The following TYW1 variants were observed in gnomAD, a reference collection of about 807,000 sequenced individuals.
TYW1 encodes the protein tRNA-yW synthesizing protein 1 homolog.
TYW1 carries 46 observed loss-of-function variants against 96.2 expected under a neutral mutation model. That is an observed-to-expected ratio of 0.48 (90% CI 0.38 to 0.61). The LOEUF (loss-of-function observed/expected upper bound fraction) is 0.61. Among genes scored for constraint, TYW1 ranks in the 20% least tolerant of loss-of-function variants. The pLI is 0.00. For missense variants in TYW1, 684 were observed against 909.6 expected, an observed-to-expected ratio of 0.75 and a Z score of 3.19; for synonymous variants, 274 against 323.0, an observed-to-expected ratio of 0.85 and a Z score of 1.63.
chr7:67,059,672 C>T (rs1235548089), intron 9 of TYW1, among the ~76,000 whole-genome samples: 1 of 150,134 alleles, frequency 6.7e-6, no homozygotes, highest in South Asian at 2.1e-4. Context: ...TTTTTCTTAA[C>T]ATTAGTGATT....
chr7:67,136,650 CGTGTGT>C (rs59522817), intron 13 of TYW1, among the ~76,000 whole-genome samples: 18,071 of 143,854 alleles, frequency 0.13, 1,101 homozygotes, highest in Middle Eastern at 0.16. Context: ...TTATACAGTG[CGTGTGT>C]GTGTGTGTGT....
At chr7:67,113,237 ACTCTCATCCATCTTCTGTTCC>A (rs66761527) in intron 12 of TYW1, among the ~76,000 whole-genome samples, 40,817 of 151,022 alleles carry the variant, frequency 0.27, 6,223 homozygotes, top group African/African-American at 0.42. Context: ...GCGTGGTGGG[ACTCTCATCCATCTTCTGTTCC>A]CTCCAGAATG....
chr7:67,133,589 T>C (rs1798156329), intron 13 of TYW1, among the ~76,000 whole-genome samples: 1 of 143,112 alleles, frequency 7.0e-6, no homozygotes, highest in Non-Finnish European at 1.5e-5. Flanking sequence ...TCCCAGGTAC[T>C]TGGCGGCTGA....
At chr7:67,028,147 G>A (rs1436515249) in intron 7 of TYW1, among the ~76,000 whole-genome samples, 2 of 151,198 alleles carry the variant, frequency 1.3e-5, no homozygotes, top group Non-Finnish European at 2.9e-5. Context: ...GCTAAGGCAC[G>A]AGAATCTTTT....
At chr7:67,221,195 A>C (rs1435352721) in intron 15 of TYW1, among the ~76,000 whole-genome samples, 1 of 152,180 alleles carries the variant, frequency 6.6e-6, no homozygotes, top group East Asian at 1.9e-4. Context: ...AAATGTTTAT[A>C]ATAGTTATAT....
chr7:67,226,021 G>A (rs907671036), intron 15 of TYW1, among the ~76,000 whole-genome samples: 15 of 150,770 alleles, frequency 9.9e-5, no homozygotes, highest in Non-Finnish European at 1.9e-4. Context: ...CAACCAGCAA[G>A]AACAAATTTT....
intron 1 of TYW1, among the ~76,000 whole-genome samples, 195 bp downstream of exon 1, chr7:66,997,177 A>G (rs1376052393): frequency 6.6e-6 from 1 of 152,238 alleles, no homozygotes; most frequent in African/African-American, 2.4e-5. Flanking sequence ...TTTTGAGGCT[A>G]GGGGGTTAGA....
intron 14 of TYW1, among the ~76,000 whole-genome samples, chr7:67,194,107 A>G (rs1485320801): frequency 1.3e-5 from 2 of 152,336 alleles, no homozygotes; most frequent in Admixed American, 1.3e-4. Flanking sequence ...GAACTTAGTT[A>G]TGAAATTCTG....
intron 13 of TYW1, among the ~76,000 whole-genome samples, chr7:67,166,503 T>C (rs1441983182): frequency 6.7e-6 from 1 of 149,770 alleles, no homozygotes. Context: ...AGAACGTTAA[T>C]AGCACCTTCA....
chr7:67,176,226 T>C (rs1459983053), intron 13 of TYW1, among the ~76,000 whole-genome samples: 1 of 152,218 alleles, frequency 6.6e-6, no homozygotes, highest in Non-Finnish European at 1.5e-5. Context: ...TTGACCTTTA[T>C]ATTGAAAACT....
At position 67,239,023 on chromosome 7, in the gene TYW1, C is replaced by T; in HGVS notation, c.*494C>T. The T allele has an allele frequency of 1.0e-6, 1 of 988,500 alleles. No individual in the cohort carries two copies. 61.2% of individuals were successfully genotyped at this position (988,500 alleles called of 1,614,324 possible). On this transcript the variant is annotated 3_prime_UTR_variant, in exon 16 of 16. Coordinates refer to ENST00000359626, the MANE Select transcript of TYW1 (RefSeq NM_018264.4). ...CCTTTCTTCTATCTTAAGACAGCACCTCCTGAAAAGAATCGAAGTTGTCAC... is the reference window on the plus strand; with the variant it reads ...CCTTTCTTCTATCTTAAGACAGCACTTCCTGAAAAGAATCGAAGTTGTCAC...
At chr7:67,068,472 C>T (rs1485548238) in intron 10 of TYW1, among the ~76,000 whole-genome samples, 1 of 152,206 alleles carries the variant, frequency 6.6e-6, no homozygotes, top group Non-Finnish European at 1.5e-5. Flanking sequence ...TAATTCTTAT[C>T]TTAGTTGAAC....
intron 11 of TYW1, among the ~76,000 whole-genome samples, chr7:67,094,265 G>A (rs145802362): frequency 0.03 from 4,602 of 152,184 alleles, 207 homozygotes; most frequent in African/African-American, 0.1. Flanking sequence ...TTAGGTCATG[G>A]TTTCATGACT....
chr7:67,122,264 A>G (rs577630376), intron 13 of TYW1, among the ~76,000 whole-genome samples: 2 of 152,174 alleles, frequency 1.3e-5, no homozygotes, highest in Non-Finnish European at 2.9e-5. Flanking sequence ...CTCTCTCTAC[A>G]GATGTTAGGA....
intron 11 of TYW1, among the ~76,000 whole-genome samples, chr7:67,091,682 G>C (rs1382899620): frequency 2.0e-5 from 3 of 152,192 alleles, no homozygotes; most frequent in Non-Finnish European, 4.4e-5. Flanking sequence ...CAGTGTAACA[G>C]CCTCTGGCAG....
At chr7:67,110,002 CATT>C (rs572907128) in intron 12 of TYW1, among the ~76,000 whole-genome samples, 63 of 152,254 alleles carry the variant, frequency 4.1e-4, no homozygotes, top group African/African-American at 1.5e-3. Context: ...GGGAAATTGT[CATT>C]ATATATGACT....
chr7:67,036,139 T>C (rs185458591), intron 7 of TYW1, among the ~76,000 whole-genome samples: 39 of 149,416 alleles, frequency 2.6e-4, no homozygotes, highest in African/African-American at 9.2e-4. Context: ...TGGCAACTTA[T>C]AATGAGTCTA....
intron 7 of TYW1, among the ~76,000 whole-genome samples, chr7:67,033,427 G>A (rs1030400844): frequency 6.6e-6 from 1 of 152,132 alleles, no homozygotes; most frequent in African/African-American, 2.4e-5. Context: ...TAGCTGATCC[G>A]TTTGCTTCTG....
chr7:67,139,390 G>A (rs548612775), intron 13 of TYW1, among the ~76,000 whole-genome samples: 2 of 152,240 alleles, frequency 1.3e-5, no homozygotes, highest in African/African-American at 2.4e-5. Flanking sequence ...TTCTAAAATC[G>A]AGCAAGTATT....
Sources: gnomAD v4.1 joint callset for allele counts (sites outside exome capture counted in the v4.1 genomes callset) on GRCh38, gnomAD v4.1.1 for gene constraint, MANE v1.5 for transcripts, NCBI Gene and HGNC (gene_info 2026-07-23, HGNC 2026-07-21) for gene names.